The following USH2A variants were observed in gnomAD, a reference collection of about 807,000 sequenced individuals.
USH2A encodes the protein usherin, also known as Usher syndrome 2A (autosomal recessive, mild).
Under a neutral mutation model 538.9 loss-of-function variants are expected in USH2A, and 443 were observed. That is an observed-to-expected ratio of 0.82 (90% CI 0.76 to 0.89). The LOEUF (loss-of-function observed/expected upper bound fraction) is 0.89. Among genes scored for constraint, USH2A ranks in the 40% least tolerant of loss-of-function variants. USH2A has a pLI of 0.00. For synonymous variants in USH2A, 2,413 were observed against 2,273.5 expected, an observed-to-expected ratio of 1.06 and a Z score of -1.75; for missense variants, 6,633 against 6,324.8, an observed-to-expected ratio of 1.05 and a Z score of -1.65.
rs776095235 is a variant in USH2A, at chr1:216,247,115, T to C, written c.2279A>G (p.Asn760Ser). ...GCACTCACACTGCCCAGAGTGAGGA[T>C]TGCAGAATTTGTTCACTGAGCCATG... is the stretch of plus-strand genomic sequence containing the variant. ...NLHGSVNKFC[N>S]PHSGQCECKK... The change falls in exon 13 of 72, where the codon AAT (asparagine) becomes AGT (serine). Residue 760 changes from asparagine to serine, a missense_variant. Asn to Ser is a conservative substitution (Grantham distance 46). Transcript: ENST00000307340. The C allele has an allele frequency of 9.3e-6, 15 of 1,613,950 alleles. No individual in the cohort carries two copies. The highest frequency in any genetic ancestry group is 2.2e-5 in the South Asian group (2 of 91,090).
At position 215,630,509 on chromosome 1, in the gene USH2A, T is replaced by A. The variant is rs1469581802; in HGVS notation, c.15298-1474A>T. 1.1e-4 allele frequency among the ~76,000 whole-genome samples: 14 copies of A among 130,984 alleles called. No homozygotes were observed. In the South Asian group the frequency reaches 2.8e-3, roughly 27 times the overall value. 85.9% of individuals were successfully genotyped at this position (130,984 alleles called of 152,430 possible). A position where few individuals can be genotyped will look rare whatever the true frequency, so the allele number is the denominator to read the frequency against. The stretch of plus-strand genomic sequence containing the variant: ...ATATATATATATATATATATATATA[T>A]ATATATATATATATATATGAGAGAG... On this transcript the variant is annotated intron_variant, in intron 70 of 71. Coordinates refer to ENST00000307340, the MANE Select transcript of USH2A (RefSeq NM_206933.4).
chr1:216,383,191 G>A (rs191809037), intron 3 of USH2A, among the ~76,000 whole-genome samples: 2 of 151,968 alleles, frequency 1.3e-5, no homozygotes, highest in Non-Finnish European at 2.9e-5. Context: ...TGTATTAAAA[G>A]CTCACAAACG....
intron 56 of USH2A, among the ~76,000 whole-genome samples, chr1:215,761,950 T>A (rs2251677): frequency 0.97 from 147,766 of 152,278 alleles, 71,866 homozygotes; most frequent in East Asian, 1. Flanking sequence ...TCCGTACAGG[T>A]TAAGATTTTG....
chr1:216,150,682 GC>G (rs1326056243), intron 21 of USH2A, among the ~76,000 whole-genome samples: 1 of 151,958 alleles, frequency 6.6e-6, no homozygotes, highest in African/African-American at 2.4e-5. Context: ...GCAAGCTGCC[GC>G]CCTCCTTCGC....
At chr1:215,627,414 TTCCTTCC>T (rs1656074222) in intron 71 of USH2A, among the ~76,000 whole-genome samples, 1 of 112,992 alleles carries the variant, frequency 8.9e-6, no homozygotes, top group Admixed American at 9.0e-5. Context: ...CCTTCCTTCC[TTCCTTCC>T]TTCCTTCCTT....
In USH2A at chr1:215,623,483, G is replaced by A. The variant is rs1655877528; in HGVS notation, c.*2298C>T. On this transcript the variant is annotated 3_prime_UTR_variant, in exon 72 of 72. Coordinates refer to ENST00000307340, the MANE Select transcript of USH2A (RefSeq NM_206933.4). ...GATCAACCGAATCAGAATCTCTAGA[G>A]GCGAGTCTGCATGGTTTGTATAATA... 6.6e-6 allele frequency: 1 copy of A among 151,280 alleles called. No individual in the cohort carries two copies. Among genetic ancestry groups the A allele is most frequent in the Admixed American group, 6.6e-5 (1 of 15,240 alleles). The allele number at this position is 151,280 out of a possible 1,614,324, so 9.4% of individuals were successfully genotyped here. A position where few individuals can be genotyped will look rare whatever the true frequency, so the allele number is the denominator to read the frequency against.
intron 55 of USH2A, among the ~76,000 whole-genome samples, chr1:215,770,630 C>T (rs1175218464): frequency 1.3e-5 from 2 of 152,038 alleles, no homozygotes; most frequent in East Asian, 1.9e-4. Flanking sequence ...AAATGACATA[C>T]TAGCAAAAGT....
In USH2A at chr1:216,414,096, G is replaced by A. The variant is rs151109912; in HGVS notation, c.651+4418C>T. On this transcript the variant is annotated intron_variant, in intron 3 of 71. Coordinates refer to ENST00000307340, the MANE Select transcript of USH2A (RefSeq NM_206933.4). The stretch of plus-strand genomic sequence containing the variant: ...AACCAAAGGAAATCTTATAACTACA[G>A]CATGTGCTGATTTAATATGAAAACT... Among the ~76,000 whole-genome samples, 444 of 152,176 alleles carry A rather than the reference G, an allele frequency of 2.9e-3. 5 individuals carry two copies. Among genetic ancestry groups the A allele is most frequent in the African/African-American group, 0.01 (421 of 41,550 alleles).
At chr1:216,284,957 G>T (rs1035885860) in intron 11 of USH2A, among the ~76,000 whole-genome samples, 1 of 152,184 alleles carries the variant, frequency 6.6e-6, no homozygotes, top group African/African-American at 2.4e-5. Context: ...TGAAAGAGAT[G>T]ATTTAGGGTA....
At chr1:216,295,069 ATTATC>A (rs1382908694) in intron 9 of USH2A, among the ~76,000 whole-genome samples, 1 of 151,736 alleles carries the variant, frequency 6.6e-6, no homozygotes, top group Non-Finnish European at 1.5e-5. Flanking sequence ...GATAGGCATA[ATTATC>A]TTTTTACTCA....
At chr1:216,292,758 C>A (rs2037027381) in intron 9 of USH2A, among the ~76,000 whole-genome samples, 1 of 152,054 alleles carries the variant, frequency 6.6e-6, no homozygotes, top group South Asian at 2.1e-4. Flanking sequence ...TACAAACATG[C>A]AAAGTGATCT....
chr1:216,262,016 A>G (rs535726760), intron 11 of USH2A, among the ~76,000 whole-genome samples: 2 of 152,270 alleles, frequency 1.3e-5, no homozygotes, highest in South Asian at 4.1e-4. Context: ...CCCACTCAGG[A>G]CCCAAGTTAT....
At chr1:216,294,925 A>G (rs1016602130) in intron 9 of USH2A, among the ~76,000 whole-genome samples, 1 of 151,900 alleles carries the variant, frequency 6.6e-6, no homozygotes, top group Admixed American at 6.6e-5. Flanking sequence ...ATCAGATATT[A>G]GAATTTTCCT....
intron 43 of USH2A, among the ~76,000 whole-genome samples, chr1:215,873,283 CCCATATTAAGGAATAAATTAA>C (rs1664671249): frequency 6.6e-6 from 1 of 152,152 alleles, no homozygotes; most frequent in Admixed American, 6.5e-5. Context: ...TATTCACATT[CCCATATTAAGGAATAAATTAA>C]CAGGATCTAT....
chr1:216,120,067 T>C lies in USH2A; in HGVS notation c.4628-22854A>G, dbSNP rs76962969. ...AATAAAATAAGTACAAAAAAGCAGA[T>C]ACATATTTTTTTCAGTCATCCAGGA... On this transcript the variant is annotated intron_variant, in intron 21 of 71. Coordinates refer to ENST00000307340, the MANE Select transcript of USH2A (RefSeq NM_206933.4). 2.1e-3 allele frequency among the ~76,000 whole-genome samples: 325 copies of C among 152,192 alleles called. 1 individual carries two copies. Among genetic ancestry groups the C allele is most frequent in the African/African-American group, 7.4e-3 (306 of 41,532 alleles).
intron 27 of USH2A, among the ~76,000 whole-genome samples, chr1:216,075,760 G>A (rs1249350162): frequency 6.6e-6 from 1 of 152,064 alleles, no homozygotes; most frequent in African/African-American, 2.4e-5. Flanking sequence ...ATCTGAGCTG[G>A]CACATCTTCA....
In USH2A at chr1:215,912,513, G is replaced by A. The variant is rs1223143653; in HGVS notation, c.7301-11608C>T. ...TATGTGTATATATATATATATATAC[G>A]TGTATATATATATATATATATATGA... On this transcript the variant is annotated intron_variant, in intron 38 of 71. Coordinates refer to ENST00000307340, the MANE Select transcript of USH2A (RefSeq NM_206933.4). Among the ~76,000 whole-genome samples, 139 of 16,946 alleles carry A rather than the reference G, an allele frequency of 8.2e-3. 6 individuals are homozygous for A. The East Asian group carries it at 0.12, about 15-fold the overall frequency. The allele number at this position is 16,946 out of a possible 152,430, so 11.1% of individuals were successfully genotyped here. A position where few individuals can be genotyped will look rare whatever the true frequency, so the allele number is the denominator to read the frequency against.
At chr1:215,947,044 T>C (rs1002312969) in intron 37 of USH2A, among the ~76,000 whole-genome samples, 3 of 46,992 alleles carry the variant, frequency 6.4e-5, no homozygotes, top group African/African-American at 2.1e-4. Context: ...GTATATTACT[T>C]TTTTTTTTTT....
chr1:216,246,689 C>T lies in USH2A; in HGVS notation c.2705G>A (p.Cys902Tyr), dbSNP rs780846352. The T allele has an allele frequency of 1.2e-6, 2 of 1,614,122 alleles. No individual in the cohort carries two copies. Among genetic ancestry groups the T allele is most frequent in the Middle Eastern group, 1.7e-4 (1 of 6,060 alleles). ...DNFQHCQMCE[C>Y]DSLGTLPGTI... ...CCCAGGTAATGTCCCCAAGGAATCA[C>T]ACTCACACATCTGGCAGTGTTGAAA... The change falls in exon 13 of 72, where the codon TGT (cysteine) becomes TAT (tyrosine). Residue 902 changes from cysteine to tyrosine, a missense_variant. Physicochemically the swap from Cys to Tyr is radical, Grantham distance 194. Transcript: ENST00000307340.
Sources: gnomAD v4.1 joint callset for allele counts (sites outside exome capture counted in the v4.1 genomes callset) on GRCh38, gnomAD v4.1.1 for gene constraint, MANE v1.5 for transcripts, NCBI Gene and HGNC (gene_info 2026-07-23, HGNC 2026-07-21) for gene names.